Variants in NPAS3 observed in about 807,000 individuals in gnomAD.
NPAS3 encodes neuronal PAS domain-containing protein 3.
A neutral mutation model predicts 73.1 loss-of-function variants in NPAS3; 14 were observed. That is an observed-to-expected ratio of 0.19 (90% CI 0.13 to 0.30). NPAS3 has a LOEUF of 0.30. Ranked by LOEUF, NPAS3 falls within the 10% of genes least tolerant of loss-of-function variation. The pLI is 1.00. For synonymous variants in NPAS3, 620 were observed against 541.5 expected (o/e 1.14, Z -2.01); for missense variants, 1,096 against 1,250.0 (o/e 0.88, Z 1.86).
chr14:33,796,088 A>C (rs2063505364), intron 10 of NPAS3, among the ~76,000 whole-genome samples: 1 of 152,196 alleles, frequency 6.6e-6, no homozygotes, highest in East Asian at 1.9e-4. Flanking sequence ...TAGGGTAAAG[A>C]TCTAGTAAGA....
intron 4 of NPAS3, among the ~76,000 whole-genome samples, chr14:33,367,986 G>T (rs2045919550): frequency 6.6e-6 from 1 of 151,920 alleles, no homozygotes; most frequent in Non-Finnish European, 1.5e-5. Context: ...ATAGATAATT[G>T]TGCCACACTG....
chr14:33,307,310 C>T (rs545121967), intron 3 of NPAS3, among the ~76,000 whole-genome samples: 1 of 152,230 alleles, frequency 6.6e-6, no homozygotes, highest in Admixed American at 6.5e-5. Flanking sequence ...ATATGTGCAA[C>T]TGATACTAAT....
intron 5 of NPAS3, among the ~76,000 whole-genome samples, chr14:33,586,630 T>A (rs2139915331): frequency 6.6e-6 from 1 of 152,280 alleles, no homozygotes; most frequent in East Asian, 1.9e-4. Flanking sequence ...AAACTAAGAA[T>A]TATTTTTTAA....
At chr14:32,935,540 C>T (rs957840874), upstream of NPAS3, among the ~76,000 whole-genome samples, 1 of 152,226 alleles carries the variant, frequency 6.6e-6, no homozygotes, top group African/African-American at 2.4e-5. Flanking sequence ...ATCCGAGTCT[C>T]TTCGGCGCTG....
At chr14:33,288,890 A>G (rs1350755051) in intron 3 of NPAS3, among the ~76,000 whole-genome samples, 1 of 152,168 alleles carries the variant, frequency 6.6e-6, no homozygotes, top group Non-Finnish European at 1.5e-5. Flanking sequence ...GAATGAACCA[A>G]CGTTGGGGAG....
chr14:33,240,654 T>C (rs2048184346), intron 3 of NPAS3, among the ~76,000 whole-genome samples: 1 of 151,972 alleles, frequency 6.6e-6, no homozygotes, highest in African/African-American at 2.4e-5. Context: ...CTCTGCTTTT[T>C]CCTCTCTTGA....
intron 2 of NPAS3, among the ~76,000 whole-genome samples, chr14:33,184,751 G>T (rs1326887237): frequency 6.6e-6 from 1 of 152,128 alleles, no homozygotes; most frequent in African/African-American, 2.4e-5. Flanking sequence ...AGAAATACAG[G>T]ATGCTGCCCG....
chr14:33,638,701 A>AGAAAT (rs2058594707), intron 5 of NPAS3, among the ~76,000 whole-genome samples: 1 of 152,226 alleles, frequency 6.6e-6, no homozygotes, highest in Non-Finnish European at 1.5e-5. Context: ...GTCCAGAACT[A>AGAAAT]GAAATGTCCA....
At chr14:33,282,168 C>T (rs2041654084) in intron 3 of NPAS3, among the ~76,000 whole-genome samples, 2 of 152,172 alleles carry the variant, frequency 1.3e-5, no homozygotes, top group African/African-American at 4.8e-5. Context: ...TGACTTTCTC[C>T]TTATTTTCAT....
intron 6 of NPAS3, among the ~76,000 whole-genome samples, chr14:33,708,810 A>G (rs1049928707): frequency 6.6e-6 from 1 of 152,196 alleles, no homozygotes; most frequent in African/African-American, 2.4e-5. Flanking sequence ...AGAGGAGCCC[A>G]GGTCATTCCA....
chr14:33,531,449 A>G (rs1310017362), intron 4 of NPAS3, among the ~76,000 whole-genome samples: 2 of 152,112 alleles, frequency 1.3e-5, no homozygotes, highest in Non-Finnish European at 2.9e-5. Context: ...GGAATGATAC[A>G]GTATGTAAGC....
intron 2 of NPAS3, among the ~76,000 whole-genome samples, chr14:33,056,781 T>C (rs926162761): frequency 6.6e-6 from 1 of 152,256 alleles, no homozygotes; most frequent in Non-Finnish European, 1.5e-5. Context: ...ATAAAAGTTA[T>C]GAAATATTGA....
chr14:33,125,204 T>C (rs1436895414), intron 2 of NPAS3, among the ~76,000 whole-genome samples: 1 of 152,090 alleles, frequency 6.6e-6, no homozygotes, highest in Non-Finnish European at 1.5e-5. Flanking sequence ...TGAAGGAAAT[T>C]AATGGATTAA....
intron 1 of NPAS3, among the ~76,000 whole-genome samples, chr14:32,965,959 A>G (rs963423745): frequency 1.6e-4 from 25 of 152,322 alleles, no homozygotes; most frequent in African/African-American, 6.0e-4. Flanking sequence ...CACGTTTACA[A>G]TAGATAAAAA....
chr14:33,169,371 C>A (rs2045298889), intron 2 of NPAS3, among the ~76,000 whole-genome samples: 1 of 152,128 alleles, frequency 6.6e-6, no homozygotes, highest in South Asian at 2.1e-4. Context: ...AGTTGGAGAC[C>A]AGCCTGGCCA....
intron 2 of NPAS3, among the ~76,000 whole-genome samples, chr14:33,210,228 C>CT (rs34564051): frequency 1.3e-5 from 2 of 152,158 alleles, no homozygotes; most frequent in Admixed American, 6.5e-5. Flanking sequence ...CCAAAGCTAT[C>CT]TTTTTTTCCC....
At chr14:33,108,023 A>G (rs1321428804) in intron 2 of NPAS3, among the ~76,000 whole-genome samples, 2 of 152,160 alleles carry the variant, frequency 1.3e-5, no homozygotes, top group Non-Finnish European at 2.9e-5. Context: ...TCGCAGAACT[A>G]GAGAAGGGTG....
chr14:33,036,450 G>T (rs2040172148), intron 1 of NPAS3, among the ~76,000 whole-genome samples: 1 of 152,002 alleles, frequency 6.6e-6, no homozygotes, highest in Admixed American at 6.6e-5. Flanking sequence ...CCAAAAAGAG[G>T]GAAATGGACA....
At chr14:33,177,464 TGTC>T (rs59364865) in intron 2 of NPAS3, among the ~76,000 whole-genome samples, 5,468 of 152,208 alleles carry the variant, frequency 0.036, 315 homozygotes, top group African/African-American at 0.12. Context: ...TTCTGTATGT[TGTC>T]CTTTCATTTT....
Sources: allele counts gnomAD v4.1 joint callset (sites outside exome capture counted in the v4.1 genomes callset), GRCh38; gene constraint gnomAD v4.1.1; transcripts MANE v1.5; gene names NCBI Gene and HGNC (gene_info 2026-07-23, HGNC 2026-07-21).